The following GFRA1 variants were observed in gnomAD, a reference collection of about 807,000 sequenced individuals.
GFRA1 encodes the protein GDNF family receptor alpha 1.
A neutral mutation model predicts 51.6 loss-of-function variants in GFRA1; 16 were observed. The observed-to-expected ratio is 0.31, with a 90% CI of 0.21 to 0.47. GFRA1 has a LOEUF of 0.47. GFRA1 is among the 20% of genes least tolerant of loss of function. The pLI, the probability that GFRA1 is intolerant of heterozygous loss-of-function variation, is 1.00. For missense variants in GFRA1, 530 were observed against 594.3 expected, an observed-to-expected ratio of 0.89 and a Z score of 1.13; for synonymous variants, 270 against 241.3, an observed-to-expected ratio of 1.12 and a Z score of -1.10.
At chr10:116,164,450 A>G (rs1451145030) in intron 5 of GFRA1, among the ~76,000 whole-genome samples, 1 of 152,184 alleles carries the variant, frequency 6.6e-6, no homozygotes, top group Non-Finnish European at 1.5e-5. Context: ...GGTAAGAGTG[A>G]ACAGCATTTG....
chr10:116,111,270 ACAGACTGTCTACTTCTT>A (rs1201665808), intron 6 of GFRA1, among the ~76,000 whole-genome samples: 1 of 152,212 alleles, frequency 6.6e-6, no homozygotes, highest in Non-Finnish European at 1.5e-5. Flanking sequence ...CTTAGAGACA[ACAGACTGTCTACTTCTT>A]CATGTGCAGT....
At chr10:116,268,196 A>G (rs1042054125) in intron 4 of GFRA1, among the ~76,000 whole-genome samples, 3 of 152,212 alleles carry the variant, frequency 2.0e-5, no homozygotes, top group African/African-American at 7.2e-5. Flanking sequence ...AAAGCTTAGA[A>G]TCAAACAAAT....
intron 9 of GFRA1, among the ~76,000 whole-genome samples, chr10:116,080,424 C>CA (rs1330093619): frequency 6.6e-6 from 1 of 152,014 alleles, no homozygotes; most frequent in Non-Finnish European, 1.5e-5. Context: ...ATGGGTGCAC[C>CA]AAAAATCTCA....
chr10:116,171,623 C>T (rs560681676), intron 5 of GFRA1, among the ~76,000 whole-genome samples: 4 of 152,162 alleles, frequency 2.6e-5, no homozygotes, highest in South Asian at 2.1e-4. Context: ...TAAGTAATTT[C>T]GTGTAATTAA....
chr10:116,158,864 AGC>A (rs1959440329), intron 5 of GFRA1, among the ~76,000 whole-genome samples: 2 of 152,228 alleles, frequency 1.3e-5, no homozygotes, highest in Non-Finnish European at 2.9e-5. Flanking sequence ...CTCTGCCAGC[AGC>A]GCTGAGGCCT....
At chr10:116,187,189 A>C (rs1962805822) in intron 5 of GFRA1, among the ~76,000 whole-genome samples, 1 of 152,254 alleles carries the variant, frequency 6.6e-6, no homozygotes, top group African/African-American at 2.4e-5. Flanking sequence ...AGCACCAAGT[A>C]GTCTAGAAAA....
At chr10:116,112,298 T>C (rs980539306) in intron 6 of GFRA1, among the ~76,000 whole-genome samples, 2 of 152,168 alleles carry the variant, frequency 1.3e-5, no homozygotes, top group Non-Finnish European at 2.9e-5. Flanking sequence ...AACTCTCCAA[T>C]AGGAATTCCG....
chr10:116,199,314 C>T (rs1033744813), intron 5 of GFRA1, among the ~76,000 whole-genome samples: 3 of 152,206 alleles, frequency 2.0e-5, no homozygotes, highest in Admixed American at 1.3e-4. Context: ...CAGCCGGACC[C>T]CAAACCTGCC....
chr10:116,244,182 C>T (rs564131306), intron 4 of GFRA1, among the ~76,000 whole-genome samples: 123 of 144,534 alleles, frequency 8.5e-4, no homozygotes, highest in African/African-American at 2.9e-3. Flanking sequence ...TGATCTATTA[C>T]GGATCTATTG....
At chr10:116,150,293 A>T (rs1425599339) in intron 5 of GFRA1, among the ~76,000 whole-genome samples, 1 of 152,108 alleles carries the variant, frequency 6.6e-6, no homozygotes, top group African/African-American at 2.4e-5. Flanking sequence ...GCTTCCTCTA[A>T]CTAATGTCCT....
In GFRA1 at chr10:116,186,035, G is replaced by T. The variant is rs541747579; in HGVS notation, c.433+25596C>A. On this transcript the variant is annotated intron_variant, in intron 5 of 10. Transcript: ENST00000355422. ...TGGGAGGTAGGGGGGTAGTAGGTGG[G>T]AGAGCAAGAACCAAGGGGAATTTCT... Among the ~76,000 whole-genome samples the T allele has an allele frequency of 9.2e-5, 14 of 152,198 alleles. 2 individuals carry two copies. Among genetic ancestry groups the T allele is most frequent in the Admixed American group, 9.2e-4 (14 of 15,272 alleles).
intron 5 of GFRA1, among the ~76,000 whole-genome samples, chr10:116,152,174 G>A (rs1376783499): frequency 6.6e-6 from 1 of 152,168 alleles, no homozygotes; most frequent in African/African-American, 2.4e-5. Flanking sequence ...GGGAAATCAC[G>A]ATTCGATTCA....
intron 5 of GFRA1, among the ~76,000 whole-genome samples, chr10:116,181,780 G>GGCGCCC (rs201129326): frequency 0.024 from 3,664 of 152,174 alleles, 61 homozygotes; most frequent in African/African-American, 0.048. Flanking sequence ...TGGGACTACA[G>GGCGCCC]GCGCCCGCGC....
chr10:116,164,335 A>AC (rs1960149755), intron 5 of GFRA1, among the ~76,000 whole-genome samples: 1 of 151,242 alleles, frequency 6.6e-6, no homozygotes, highest in Admixed American at 6.6e-5. Flanking sequence ...AAAAAAAAAA[A>AC]CCCAATCCAA....
chr10:116,064,299 T>G lies in GFRA1; in HGVS notation c.*99A>C. 3 of 1,026,796 alleles carry G rather than the reference T, an allele frequency of 2.9e-6. No homozygotes were observed. Among genetic ancestry groups the G allele is most frequent in the Non-Finnish European group, 4.5e-6 (3 of 669,512 alleles). The allele number at this position is 1,026,796 out of a possible 1,614,324, so 63.6% of individuals were successfully genotyped here. A position where few individuals can be genotyped will look rare whatever the true frequency, so the allele number is the denominator to read the frequency against. ...CAGTTGAATGGAACTGTTTCTCAAC[T>G]GAGCTCCTAAACTGGAATTTCAGCT... On this transcript the variant is annotated 3_prime_UTR_variant, in exon 11 of 11. Transcript: ENST00000355422.
chr10:116,210,291 C>T (rs1326252329), intron 5 of GFRA1, among the ~76,000 whole-genome samples: 1 of 152,122 alleles, frequency 6.6e-6, no homozygotes, highest in African/African-American at 2.4e-5. Flanking sequence ...TCCAGAAAGA[C>T]TTTCCAAACT....
chr10:116,219,017 A>T (rs1965752097), intron 4 of GFRA1, among the ~76,000 whole-genome samples: 2 of 152,148 alleles, frequency 1.3e-5, no homozygotes, highest in Admixed American at 6.5e-5. Context: ...AAAAATAAAA[A>T]AAAAAGCCTC....
rs1467873249 is a variant in GFRA1, at chr10:116,063,843, G to A, written c.*555C>T. The stretch of plus-strand genomic sequence containing the variant: ...TGGAAAATGCTAGTACATATATAAA[G>A]GTGAACATCAGTACCAGCTGTTTCC... On this transcript the variant is annotated 3_prime_UTR_variant, in exon 11 of 11. Coordinates refer to ENST00000355422, the MANE Select transcript of GFRA1 (RefSeq NM_005264.8). 2 of 163,138 alleles carry A rather than the reference G, an allele frequency of 1.2e-5. No individual in the cohort carries two copies. The highest frequency in any genetic ancestry group is 4.8e-5 in the African/African-American group (2 of 41,540). The allele number at this position is 163,138 out of a possible 1,614,324, so 10.1% of individuals were successfully genotyped here.
chr10:116,154,389 A>C (rs1374363807), intron 5 of GFRA1, among the ~76,000 whole-genome samples: 1 of 152,250 alleles, frequency 6.6e-6, no homozygotes, highest in Non-Finnish European at 1.5e-5. Context: ...ATTAAAATTA[A>C]CAAATTATTG....
Sources: gnomAD v4.1 joint callset for allele counts (sites outside exome capture counted in the v4.1 genomes callset) on GRCh38, gnomAD v4.1.1 for gene constraint, MANE v1.5 for transcripts, NCBI Gene and HGNC (gene_info 2026-07-23, HGNC 2026-07-21) for gene names.